The following DACH2 variants were observed in gnomAD, a reference collection of about 807,000 sequenced individuals.
The protein encoded by DACH2 is dachshund family transcription factor 2, also known as dachshund homolog 2.
DACH2 carries 17 observed loss-of-function variants against 35.8 expected under a neutral mutation model. That is an observed-to-expected ratio of 0.48 (90% CI 0.33 to 0.71). The LOEUF is 0.71. Ranked by LOEUF, DACH2 falls within the 30% of genes least tolerant of loss-of-function variation. The pLI, the probability that DACH2 is intolerant of heterozygous loss-of-function variation, is 0.02. For synonymous variants in DACH2, 195 were observed against 177.3 expected (o/e 1.10, Z -0.79); for missense variants, 469 against 472.7 (o/e 0.99, Z 0.07).
intron 3 of DACH2, among the ~76,000 whole-genome samples, chrX:86,553,385 C>A (rs2039076252): frequency 9.0e-6 from 1 of 111,645 alleles, no homozygotes. Context: ...TTAGATGGTG[C>A]CCACTCAGAT....
At chrX:86,465,817 C>T (rs924964479) in intron 2 of DACH2, among the ~76,000 whole-genome samples, 4 of 112,009 alleles carry the variant, frequency 3.6e-5, no homozygotes, top group Admixed American at 9.5e-5. Flanking sequence ...TATACCATGA[C>T]TCTTCAATGT....
chrX:86,359,464 G>A (rs1050305878), intron 1 of DACH2, among the ~76,000 whole-genome samples: 2 of 111,415 alleles, frequency 1.8e-5, no homozygotes, highest in Non-Finnish European at 3.8e-5. Flanking sequence ...AAGACCAAGA[G>A]AGGCCAGGTG....
Position 86,320,644 on chromosome X carries a change from A to C in DACH2, c.489-56180A>C, listed in dbSNP as rs7059885. 6.3e-3 allele frequency among the ~76,000 whole-genome samples: 708 copies of C among 112,523 alleles called. 7 individuals are homozygous for C. The highest frequency in any genetic ancestry group is 0.021 in the African/African-American group (665 of 31,035). On this transcript the variant is annotated intron_variant, in intron 1 of 11. Transcript: ENST00000373125. The stretch of plus-strand genomic sequence containing the variant: ...AACCTAGTGGCCTCTGGCACCAGCA[A>C]AACCACTACTACAACTGTGGTTTGC...
At chrX:86,719,947 T>C (rs2041383849) in intron 6 of DACH2, among the ~76,000 whole-genome samples, 1 of 101,243 alleles carries the variant, frequency 9.9e-6, no homozygotes, top group Admixed American at 1.1e-4. Context: ...TTTTTTCTTT[T>C]TTTTTTTTTT....
intron 2 of DACH2, among the ~76,000 whole-genome samples, chrX:86,422,489 T>C (rs1046604107): frequency 9.0e-6 from 1 of 110,673 alleles, no homozygotes; most frequent in Non-Finnish European, 1.9e-5. Context: ...AAAATCACAC[T>C]TTTGAGTCTT....
At chrX:86,649,817 A>G (rs773078745) in intron 3 of DACH2, among the ~76,000 whole-genome samples, 1 of 111,370 alleles carries the variant, frequency 9.0e-6, no homozygotes, top group Non-Finnish European at 1.9e-5. Flanking sequence ...CTTACCTCTT[A>G]GAATCAGGAT....
intron 1 of DACH2, among the ~76,000 whole-genome samples, chrX:86,308,990 C>A (rs1184320273): frequency 9.0e-6 from 1 of 111,550 alleles, no homozygotes; most frequent in African/African-American, 3.3e-5. Context: ...CTGGCAGAAC[C>A]CCCACATTGG....
At chrX:86,407,312 G>T (rs184332537) in intron 2 of DACH2, among the ~76,000 whole-genome samples, 1 of 111,775 alleles carries the variant, frequency 8.9e-6, no homozygotes, top group East Asian at 2.8e-4. Context: ...TATAGAAAAG[G>T]ATACTAATAT....
At chrX:86,256,850 T>G (rs770045857) in intron 1 of DACH2, among the ~76,000 whole-genome samples, 1 of 111,671 alleles carries the variant, frequency 9.0e-6, no homozygotes, top group Non-Finnish European at 1.9e-5. Context: ...CACCTCATTT[T>G]GTGTGTGTGT....
chrX:86,698,537 T>TTTGTTTTTTTTG (rs2041099696), intron 5 of DACH2, among the ~76,000 whole-genome samples: 1 of 66,680 alleles, frequency 1.5e-5, no homozygotes, highest in African/African-American at 5.7e-5. Flanking sequence ...TTTTTTTTTT[T>TTTGTTTTTTTTG]TTTTTTTTTT....
chrX:86,498,655 C>T (rs1218795074), intron 2 of DACH2, among the ~76,000 whole-genome samples: 3 of 112,199 alleles, frequency 2.7e-5, no homozygotes, highest in African/African-American at 9.7e-5. Context: ...TACTTTGAAT[C>T]TTTAAATTTA....
intron 3 of DACH2, among the ~76,000 whole-genome samples, chrX:86,524,273 G>A (rs2148280838): frequency 8.9e-6 from 1 of 112,439 alleles, no homozygotes; most frequent in East Asian, 2.8e-4. Context: ...AGGGGGTGGA[G>A]TTGGAGTCAG....
At chrX:86,636,105 G>A (rs1191213843) in intron 3 of DACH2, among the ~76,000 whole-genome samples, 1 of 110,936 alleles carries the variant, frequency 9.0e-6, no homozygotes, top group Admixed American at 9.6e-5. Context: ...AAGCTCGGGG[G>A]ATCATGCTAC....
intron 1 of DACH2, among the ~76,000 whole-genome samples, chrX:86,233,168 G>A (rs761338319): frequency 9.0e-6 from 1 of 111,156 alleles, no homozygotes; most frequent in East Asian, 2.8e-4. Context: ...AGAGAGGAAC[G>A]ATACACACTG....
intron 10 of DACH2, 36 bp from the exon 11 acceptor site, chrX:86,815,998 T>A: frequency 9.2e-7 from 1 of 1,092,519 alleles, no homozygotes; most frequent in Non-Finnish European, 1.2e-6. Context: ...AGGAACCACC[T>A]AATTGTATAT....
rs371461458 is a variant in DACH2, at chrX:86,714,284, G to C, written c.932-264G>C. Among the ~76,000 whole-genome samples, 41 of 111,560 alleles carry C rather than the reference G, an allele frequency of 3.7e-4. 1 individual carries two copies. Among genetic ancestry groups the C allele is most frequent in the Admixed American group, 1.9e-3 (20 of 10,457 alleles). On this transcript the variant is annotated intron_variant, in intron 5 of 11. Transcript: ENST00000373125. Reference sequence around the variant, plus strand: ...GCTTAAAGATTTGTGTTTGTTTTATGGGTAAAAATTTTGCATCTTATAAAT... The same window carrying C: ...GCTTAAAGATTTGTGTTTGTTTTATCGGTAAAAATTTTGCATCTTATAAAT...
chrX:86,517,539 C>A (rs1004653865), intron 3 of DACH2, among the ~76,000 whole-genome samples: 4 of 108,828 alleles, frequency 3.7e-5, no homozygotes, highest in Non-Finnish European at 5.7e-5. Context: ...GCCTCAGCCT[C>A]CCGAGTAGCT....
intron 1 of DACH2, among the ~76,000 whole-genome samples, chrX:86,170,939 C>G (rs1166306993): frequency 9.0e-6 from 1 of 111,559 alleles, no homozygotes; most frequent in African/African-American, 3.3e-5. Context: ...AGGGAGGGGA[C>G]TTCCAGATCA....
intron 1 of DACH2, among the ~76,000 whole-genome samples, chrX:86,295,873 A>G (rs1236679471): frequency 9.2e-6 from 1 of 109,164 alleles, no homozygotes; most frequent in African/African-American, 3.3e-5. Context: ...AGTGATTTTG[A>G]AGTTATAATC....
Sources: gnomAD v4.1 joint callset for allele counts (sites outside exome capture counted in the v4.1 genomes callset) on GRCh38, gnomAD v4.1.1 for gene constraint, MANE v1.5 for transcripts, NCBI Gene and HGNC (gene_info 2026-07-23, HGNC 2026-07-21) for gene names.